Variants in UTRN observed in about 807,000 individuals in gnomAD.
UTRN encodes the protein utrophin, also known as dystrophin-related protein 1.
Under a neutral mutation model 463.9 loss-of-function variants are expected in UTRN, and 283 were observed. The observed-to-expected ratio is 0.61, with a 90% CI of 0.55 to 0.67. The LOEUF (loss-of-function observed/expected upper bound fraction) is 0.67, where lower values mean the gene tolerates loss of function less well. Among genes scored for constraint, UTRN ranks in the 30% least tolerant of loss-of-function variants. The pLI, the probability that UTRN is intolerant of heterozygous loss-of-function variation, is 0.00. For missense variants in UTRN, 3,922 were observed against 4,084.3 expected (o/e 0.96, Z 1.08); for synonymous variants, 1,442 against 1,431.5 (o/e 1.01, Z -0.17).
chr6:144,290,982 G>A (rs190017730), intron 1 of UTRN, among the ~76,000 whole-genome samples: 1 of 150,924 alleles, frequency 6.6e-6, no homozygotes, highest in Non-Finnish European at 1.5e-5. Context: ...CACTGTGCTG[G>A]CCAGGCTGGT....
At chr6:144,425,118 T>G (rs983701129) in intron 6 of UTRN, among the ~76,000 whole-genome samples, 1 of 152,104 alleles carries the variant, frequency 6.6e-6, no homozygotes, top group Non-Finnish European at 1.5e-5. Flanking sequence ...AATCTGGAAG[T>G]TTTTGAGTCT....
At chr6:144,365,739 T>C (rs1018643077) in intron 2 of UTRN, among the ~76,000 whole-genome samples, 4 of 152,212 alleles carry the variant, frequency 2.6e-5, no homozygotes, top group African/African-American at 9.6e-5. Flanking sequence ...AAGGAAGTTT[T>C]ATTTTTATTT....
chr6:144,749,661 G>C (rs140879606), intron 55 of UTRN, among the ~76,000 whole-genome samples: 12 of 152,174 alleles, frequency 7.9e-5, no homozygotes, highest in African/African-American at 2.9e-4. Flanking sequence ...AAACTTTCTT[G>C]ATAGAAAGAC....
chr6:144,299,051 C>G (rs1805005372), intron 2 of UTRN, among the ~76,000 whole-genome samples: 1 of 152,188 alleles, frequency 6.6e-6, no homozygotes, highest in South Asian at 2.1e-4. Context: ...ACTTGCCCCT[C>G]AAAGGCTACG....
chr6:144,322,040 G>T (rs6911171), intron 2 of UTRN, among the ~76,000 whole-genome samples: 1 of 152,052 alleles, frequency 6.6e-6, no homozygotes, highest in Non-Finnish European at 1.5e-5. Context: ...CTGGGATTAC[G>T]GGCGTGAGCA....
chr6:144,309,073 A>T (rs893971406), intron 2 of UTRN, among the ~76,000 whole-genome samples: 1 of 152,052 alleles, frequency 6.6e-6, no homozygotes, highest in African/African-American at 2.4e-5. Context: ...TCCACCTCTC[A>T]ATAGCATCAA....
At chr6:144,619,233 A>G (rs746938442) in intron 51 of UTRN, among the ~76,000 whole-genome samples, 7 of 152,216 alleles carry the variant, frequency 4.6e-5, no homozygotes, top group Admixed American at 6.5e-5. Flanking sequence ...GTGCCAGACT[A>G]TCATTATTAA....
intron 73 of UTRN, among the ~76,000 whole-genome samples, chr6:144,841,961 G>A (rs1350996088): frequency 2.0e-5 from 3 of 151,628 alleles, no homozygotes; most frequent in Non-Finnish European, 4.4e-5. Flanking sequence ...AATACAAAAA[G>A]TAGCCGGGCA....
chr6:144,339,623 A>G (rs1776990513), intron 2 of UTRN, among the ~76,000 whole-genome samples: 1 of 152,162 alleles, frequency 6.6e-6, no homozygotes, highest in Non-Finnish European at 1.5e-5. Context: ...GAAAAATAAG[A>G]AAAAGAGGTG....
At chr6:144,727,742 G>A (rs1275335553) in intron 53 of UTRN, among the ~76,000 whole-genome samples, 1 of 151,968 alleles carries the variant, frequency 6.6e-6, no homozygotes, top group Non-Finnish European at 1.5e-5. Context: ...TCCAGCCTGG[G>A]CAACACAGCG....
At chr6:144,813,412 C>T (rs1246955610) in intron 65 of UTRN, among the ~76,000 whole-genome samples, 2 of 152,114 alleles carry the variant, frequency 1.3e-5, no homozygotes, top group African/African-American at 4.8e-5. Flanking sequence ...TGATCTCGAT[C>T]TCCTGACCTC....
chr6:144,482,960 A>G (rs1792049695), intron 27 of UTRN, among the ~76,000 whole-genome samples: 1 of 152,232 alleles, frequency 6.6e-6, no homozygotes, highest in African/African-American at 2.4e-5. Flanking sequence ...TTTTTAAACT[A>G]AGAGTGAGGT....
At chr6:144,397,442 A>G (rs1782540627) in intron 2 of UTRN, among the ~76,000 whole-genome samples, 1 of 152,062 alleles carries the variant, frequency 6.6e-6, no homozygotes, top group Non-Finnish European at 1.5e-5. Context: ...TCTCGATTTT[A>G]TTACAAGAAC....
At chr6:144,505,448 T>A (rs1303678512) in intron 34 of UTRN, among the ~76,000 whole-genome samples, 1 of 152,198 alleles carries the variant, frequency 6.6e-6, no homozygotes, top group Non-Finnish European at 1.5e-5. Flanking sequence ...TTCTGTTATG[T>A]TTTGTCTTTG....
intron 50 of UTRN, among the ~76,000 whole-genome samples, chr6:144,569,074 A>G (rs1800691364): frequency 6.6e-6 from 1 of 152,118 alleles, no homozygotes; most frequent in South Asian, 2.1e-4. Flanking sequence ...TGGATAAAAA[A>G]TCTTGTAATA....
chr6:144,824,589 TATATATATATATATATATA>T (rs1779946838), intron 66 of UTRN, among the ~76,000 whole-genome samples: 1 of 39,696 alleles, frequency 2.5e-5, no homozygotes, highest in African/African-American at 1.5e-4. Flanking sequence ...TATATATATA[TATATATATATATATATATA>T]TATATCTTTT....
intron 58 of UTRN, among the ~76,000 whole-genome samples, chr6:144,770,313 T>G (rs1793869304): frequency 1.3e-5 from 2 of 152,228 alleles, no homozygotes; most frequent in Admixed American, 6.5e-5. Context: ...GGGGTTTTTG[T>G]TACCTGTGTA....
At chr6:144,769,313 G>A (rs1261412975) in intron 58 of UTRN, among the ~76,000 whole-genome samples, 1 of 151,978 alleles carries the variant, frequency 6.6e-6, no homozygotes, top group Non-Finnish European at 1.5e-5. Context: ...CAACTGCATT[G>A]CCTGTTTTTT....
intron 13 of UTRN, 126 bp from the exon 14 acceptor site, chr6:144,444,155 A>T (rs1787434214): frequency 2.7e-6 from 2 of 744,202 alleles, no homozygotes; most frequent in Admixed American, 7.2e-5. Flanking sequence ...AGCAATTTTT[A>T]TAAAAATACT....
Sources: allele counts gnomAD v4.1 joint callset (sites outside exome capture counted in the v4.1 genomes callset), GRCh38; gene constraint gnomAD v4.1.1; transcripts MANE v1.5; gene names NCBI Gene and HGNC (gene_info 2026-07-23, HGNC 2026-07-21).